The following SEMA3D variants were observed in gnomAD, a reference collection of about 807,000 sequenced individuals.
SEMA3D encodes semaphorin 3D, also known as semaphorin-3D.
Under a neutral mutation model 100.1 loss-of-function variants are expected in SEMA3D, and 84 were observed. The observed-to-expected ratio is 0.84, with a 90% confidence interval of 0.70 to 1.01. SEMA3D has a LOEUF of 1.01. Among genes scored for constraint, SEMA3D ranks in the 50% least tolerant of loss-of-function variants. SEMA3D has a pLI of 0.00. For synonymous variants in SEMA3D, 312 were observed against 320.7 expected, an observed-to-expected ratio of 0.97 and a Z score of 0.29; for missense variants, 875 against 934.1, an observed-to-expected ratio of 0.94 and a Z score of 0.82.
chr7:85,042,920 T>C (rs1164074315), intron 9 of SEMA3D, among the ~76,000 whole-genome samples: 2 of 152,152 alleles, frequency 1.3e-5, no homozygotes, highest in Non-Finnish European at 2.9e-5. Flanking sequence ...TTGAGTTCAA[T>C]GAATGCTGGT....
At chr7:85,046,779 A>C (rs141210047) in intron 9 of SEMA3D, among the ~76,000 whole-genome samples, 1 of 152,084 alleles carries the variant, frequency 6.6e-6, no homozygotes, top group Non-Finnish European at 1.5e-5. Context: ...AAGAACTTTA[A>C]GCCCAGAAGA....
chr7:85,043,801 C>T (rs938961000), intron 9 of SEMA3D, among the ~76,000 whole-genome samples: 1 of 152,122 alleles, frequency 6.6e-6, no homozygotes, highest in Non-Finnish European at 1.5e-5. Flanking sequence ...TAAGATGTGA[C>T]TTGCTCCTCC....
chr7:85,023,452 G>A (rs912518013), intron 12 of SEMA3D, among the ~76,000 whole-genome samples: 5 of 151,774 alleles, frequency 3.3e-5, no homozygotes, highest in Admixed American at 2.6e-4. Flanking sequence ...AAGGTACCTC[G>A]TATAGAACGA....
chr7:85,024,002 T>C (rs78757656), intron 12 of SEMA3D, among the ~76,000 whole-genome samples: 2,727 of 152,052 alleles, frequency 0.018, 89 homozygotes, highest in African/African-American at 0.062. Flanking sequence ...TATTATCCAC[T>C]TTGCATTTAC....
At chr7:85,119,718 T>C (rs910425090) in intron 3 of SEMA3D, among the ~76,000 whole-genome samples, 1 of 152,086 alleles carries the variant, frequency 6.6e-6, no homozygotes, top group Non-Finnish European at 1.5e-5. Flanking sequence ...CGACACAACT[T>C]GCCTATGTAA....
chr7:85,047,538 A>G (rs570382890), intron 9 of SEMA3D, among the ~76,000 whole-genome samples: 2 of 151,982 alleles, frequency 1.3e-5, no homozygotes, highest in East Asian at 3.9e-4. Flanking sequence ...CTTTATAAAC[A>G]TTGTCATTTT....
the SEMA3D span, among the ~76,000 whole-genome samples, chr7:85,222,710 G>A: frequency 6.6e-6 from 1 of 152,062 alleles, no homozygotes; most frequent in African/African-American, 2.4e-5. Flanking sequence ...ATACTATACT[G>A]TACTAGGAGT....
chr7:85,027,135 A>AG (rs1790413158), intron 12 of SEMA3D, among the ~76,000 whole-genome samples: 1 of 152,114 alleles, frequency 6.6e-6, no homozygotes, highest in Non-Finnish European at 1.5e-5. Context: ...AGAGTAAAAA[A>AG]GATCTTTCTA....
rs1433871611 is a variant in SEMA3D, at chr7:85,019,295, G to T, written c.1503+938C>A. 3.3e-5 allele frequency among the ~76,000 whole-genome samples: 5 copies of T among 151,706 alleles called. No homozygotes were observed. The Admixed American group carries it at 3.3e-4, about 10-fold the overall frequency. On this transcript the variant is annotated intron_variant, in intron 14 of 18. Coordinates refer to ENST00000284136, the MANE Select transcript of SEMA3D (RefSeq NM_001384900.1). ...TGTGCTTATGTGTGTTATAGGCACT[G>T]TATTTTTGGCCTCTGGGTTCACACT... is the stretch of plus-strand genomic sequence containing the variant.
intron 17 of SEMA3D, 61 bp downstream of exon 17, chr7:85,012,721 G>T: frequency 8.0e-7 from 1 of 1,249,782 alleles, no homozygotes; most frequent in Non-Finnish European, 1.2e-6. Context: ...ATAATAAAAA[G>T]ATACAAAGAG....
At chr7:85,128,637 T>G (rs1789632529) in intron 2 of SEMA3D, among the ~76,000 whole-genome samples, 1 of 151,946 alleles carries the variant, frequency 6.6e-6, no homozygotes, top group African/African-American at 2.4e-5. Context: ...GCTGTTGAAT[T>G]ATATGTCCAT....
chr7:85,053,968 G>C (rs1351793903), intron 9 of SEMA3D, among the ~76,000 whole-genome samples: 1 of 151,564 alleles, frequency 6.6e-6, no homozygotes, highest in Non-Finnish European at 1.5e-5. Flanking sequence ...ACTCATTTAC[G>C]ACAATTTTCT....
In SEMA3D at chr7:84,996,288, A is replaced by C. The variant is rs1187987103; in HGVS notation, c.*3152T>G. ...AGTCTGTAAAATTCAGCAGGAACAA[A>C]ACATACTAGAATATGAAGAACCAAA... On this transcript the variant is annotated 3_prime_UTR_variant, in exon 19 of 19. Coordinates refer to ENST00000284136, the MANE Select transcript of SEMA3D (RefSeq NM_001384900.1). The C allele has an allele frequency of 1.3e-5, 2 of 152,172 alleles. No homozygotes were observed. The highest frequency in any genetic ancestry group is 3.9e-4 in the East Asian group (2 of 5,184). 9.4% of individuals were successfully genotyped at this position (152,172 alleles called of 1,614,324 possible).
At position 85,141,140 on chromosome 7, in the gene SEMA3D, T is replaced by C. The variant is rs528107388; in HGVS notation, c.-41+12468A>G. ...TGTTTTTATAGGTGATTTGTCCAAT[T>C]TGACGTCTAATTCTAAGCACATTAT... On this transcript the variant is annotated intron_variant, in intron 2 of 18. Coordinates refer to ENST00000284136, the MANE Select transcript of SEMA3D (RefSeq NM_001384900.1). 6 of 984,694 alleles carry C rather than the reference T, an allele frequency of 6.1e-6. No individual in the cohort carries two copies. In the African/African-American group the frequency reaches 1.0e-4, roughly 17 times the overall value. The allele number at this position is 984,694 out of a possible 1,614,324, so 61.0% of individuals were successfully genotyped here. A position where few individuals can be genotyped will look rare whatever the true frequency, so the allele number is the denominator to read the frequency against.
the SEMA3D span, among the ~76,000 whole-genome samples, chr7:85,226,870 T>C: frequency 6.6e-6 from 1 of 152,170 alleles, no homozygotes; most frequent in Non-Finnish European, 1.5e-5. Flanking sequence ...TGAGTTTATA[T>C]TGTGGAAATT....
intron 9 of SEMA3D, among the ~76,000 whole-genome samples, chr7:85,045,700 A>G (rs888518745): frequency 6.6e-6 from 1 of 152,020 alleles, no homozygotes; most frequent in Admixed American, 6.6e-5. Flanking sequence ...TAATGTAACA[A>G]TGAGTTCTGT....
At chr7:85,093,960 T>G (rs575820895) in intron 4 of SEMA3D, among the ~76,000 whole-genome samples, 1 of 152,046 alleles carries the variant, frequency 6.6e-6, no homozygotes, top group East Asian at 1.9e-4. Context: ...GGTGAAGCCT[T>G]GGAGAGCAAA....
chr7:85,228,717 C>T, the SEMA3D span, among the ~76,000 whole-genome samples: 3 of 151,936 alleles, frequency 2.0e-5, no homozygotes, highest in South Asian at 4.1e-4. Context: ...TTGTTTTATG[C>T]CATCTTAAAA....
chr7:85,190,096 T>G (rs1007549977), upstream of SEMA3D, among the ~76,000 whole-genome samples: 11 of 152,134 alleles, frequency 7.2e-5, no homozygotes, highest in Middle Eastern at 6.8e-3. Context: ...TAGCAGAAGA[T>G]TTGGCTGTCC....
Sources: allele counts gnomAD v4.1 joint callset (sites outside exome capture counted in the v4.1 genomes callset), GRCh38; gene constraint gnomAD v4.1.1; transcripts MANE v1.5; gene names NCBI Gene and HGNC (gene_info 2026-07-23, HGNC 2026-07-21).